Variants in THSD4 observed in about 807,000 individuals in gnomAD.
The protein encoded by THSD4 is thrombospondin type 1 domain containing 4.
Under a neutral mutation model 119.0 loss-of-function variants are expected in THSD4, and 69 were observed. The ratio of observed to expected loss-of-function variants is 0.58; its 90% CI spans 0.48 to 0.71. The LOEUF (loss-of-function observed/expected upper bound fraction) is 0.71, where lower values mean the gene tolerates loss of function less well. THSD4 is among the 30% of genes least tolerant of loss of function. THSD4 has a pLI of 0.00. For missense variants in THSD4, 1,393 were observed against 1,391.1 expected (o/e 1.00, Z -0.02); for synonymous variants, 524 against 540.4 (o/e 0.97, Z 0.42).
At chr15:71,250,095 G>A (rs890162126) in intron 5 of THSD4, among the ~76,000 whole-genome samples, 1 of 152,126 alleles carries the variant, frequency 6.6e-6, no homozygotes, top group Non-Finnish European at 1.5e-5. Context: ...TTTTGTTTAT[G>A]CATTTTTCTC....
intron 3 of THSD4, among the ~76,000 whole-genome samples, chr15:71,174,998 A>G (rs1194975568): frequency 1.3e-5 from 2 of 148,894 alleles, no homozygotes; most frequent in Non-Finnish European, 3.0e-5. Context: ...CATCACCATC[A>G]TCAAAGACAA....
intron 7 of THSD4, among the ~76,000 whole-genome samples, chr15:71,530,605 G>T (rs1304982628): frequency 6.6e-6 from 1 of 150,968 alleles, no homozygotes; most frequent in Non-Finnish European, 1.5e-5. Flanking sequence ...TATTTAATAT[G>T]GTATCAGCTG....
intron 3 of THSD4, among the ~76,000 whole-genome samples, chr15:71,171,096 G>A (rs547897304): frequency 6.6e-6 from 1 of 152,028 alleles, no homozygotes; most frequent in Non-Finnish European, 1.5e-5. Context: ...AGTACCAAAA[G>A]GAGAAGAGAT....
rs543636345 is a variant in THSD4, at chr15:71,163,637, C to T, written c.99+8705C>T. On this transcript the variant is annotated intron_variant, in intron 3 of 17. Coordinates refer to ENST00000261862, the MANE Select transcript of THSD4 (RefSeq NM_024817.3). ...TACTTGGATTTATAAAGGGGCAAAC[C>T]GTAATATAGGAAAATATACCCTATT... Among the ~76,000 whole-genome samples, 16 of 151,778 alleles carry T rather than the reference C, an allele frequency of 1.1e-4. No individual in the cohort carries two copies. The East Asian group carries it at 1.9e-3, about 18-fold the overall frequency.
intron 6 of THSD4, among the ~76,000 whole-genome samples, chr15:71,393,446 G>A (rs142389635): frequency 2.6e-5 from 4 of 152,062 alleles, no homozygotes; most frequent in African/African-American, 7.2e-5. Context: ...AACTCACCAC[G>A]CTACCAGGGA....
intron 7 of THSD4, among the ~76,000 whole-genome samples, chr15:71,522,349 A>G (rs2048454335): frequency 6.6e-6 from 1 of 152,210 alleles, no homozygotes; most frequent in African/African-American, 2.4e-5. Flanking sequence ...CTGAGGTGAC[A>G]TGGTAGAAGC....
At chr15:71,227,313 A>G (rs1596279372) in intron 4 of THSD4, among the ~76,000 whole-genome samples, 3 of 152,368 alleles carry the variant, frequency 2.0e-5, no homozygotes, top group South Asian at 2.1e-4. Flanking sequence ...CTCTGGTTCC[A>G]GAAGAAAGAT....
At position 71,229,086 on chromosome 15, in the gene THSD4, T is replaced by A. The variant is rs147826133; in HGVS notation, c.465-13563T>A. Among the ~76,000 whole-genome samples, 466 of 152,362 alleles carry A rather than the reference T, an allele frequency of 3.1e-3. 3 individuals carry two copies. Among genetic ancestry groups the A allele is most frequent in the African/African-American group, 6.9e-3 (285 of 41,592 alleles). On this transcript the variant is annotated intron_variant, in intron 4 of 17. Transcript: ENST00000261862. ...GAATGGGAATTTGGTATTTAAAAGC[T>A]GTACTGTGTTGCAGTTGTTAAGCTC...
chr15:71,759,825 A>G (rs533440401), intron 15 of THSD4, among the ~76,000 whole-genome samples: 1 of 152,260 alleles, frequency 6.6e-6, no homozygotes, highest in South Asian at 2.1e-4. Context: ...CAAGGGTGGT[A>G]TGAACCCTGG....
At chr15:71,675,783 C>G (rs748858391) in intron 8 of THSD4, among the ~76,000 whole-genome samples, 6 of 152,204 alleles carry the variant, frequency 3.9e-5, no homozygotes, top group Admixed American at 2.0e-4. Flanking sequence ...GGACTTGAAC[C>G]TGGGCACAGG....
chr15:71,235,106 A>T (rs1567164937), intron 4 of THSD4, among the ~76,000 whole-genome samples: 1 of 152,190 alleles, frequency 6.6e-6, no homozygotes, highest in Non-Finnish European at 1.5e-5. Flanking sequence ...TGTGAATTAC[A>T]TCTCCCTCCT....
At chr15:71,609,233 C>T (rs919779978) in intron 7 of THSD4, among the ~76,000 whole-genome samples, 2 of 152,172 alleles carry the variant, frequency 1.3e-5, no homozygotes, top group Admixed American at 6.5e-5. Context: ...ATAAGTAACA[C>T]ATATATGAAT....
chr15:71,255,524 A>T (rs2044305569), intron 5 of THSD4, among the ~76,000 whole-genome samples: 1 of 152,234 alleles, frequency 6.6e-6, no homozygotes, highest in South Asian at 2.1e-4. Context: ...AGATTTACTG[A>T]ATAATAATCC....
At chr15:71,534,286 G>C (rs1451760008) in intron 7 of THSD4, among the ~76,000 whole-genome samples, 1 of 152,228 alleles carries the variant, frequency 6.6e-6, no homozygotes, top group Non-Finnish European at 1.5e-5. Context: ...TTCATTTGCA[G>C]TCTCAACCCT....
At chr15:71,112,767 G>A (rs766076536), upstream of THSD4, among the ~76,000 whole-genome samples, 2 of 152,336 alleles carry the variant, frequency 1.3e-5, no homozygotes, top group South Asian at 2.1e-4. Flanking sequence ...TGATTCATAC[G>A]TGACAGACAC....
intron 1 of THSD4, among the ~76,000 whole-genome samples, chr15:71,118,148 A>G (rs2040378862): frequency 6.6e-6 from 1 of 152,024 alleles, no homozygotes; most frequent in South Asian, 2.1e-4. Context: ...AGCTCGAGGA[A>G]AGACTGAAAG....
At chr15:71,191,904 CTTTTTTT>C (rs11452105) in intron 3 of THSD4, among the ~76,000 whole-genome samples, 23 of 142,452 alleles carry the variant, frequency 1.6e-4, no homozygotes, top group South Asian at 2.2e-4. Flanking sequence ...TCTTCTTCTT[CTTTTTTT>C]TTTTTTTTTG....
intron 7 of THSD4, chr15:71,547,558 G>C: frequency 1.3e-6 from 2 of 1,498,686 alleles, no homozygotes; most frequent in Non-Finnish European, 1.8e-6. Context: ...TACCAAGAGG[G>C]ATCAGGGAAT....
At chr15:71,644,302 A>G (rs961486487) in intron 7 of THSD4, among the ~76,000 whole-genome samples, 4 of 152,190 alleles carry the variant, frequency 2.6e-5, no homozygotes, top group African/African-American at 9.6e-5. Flanking sequence ...TCTTCCTTCA[A>G]TTGGTTAGGC....
Sources: gnomAD v4.1 joint callset for allele counts (sites outside exome capture counted in the v4.1 genomes callset) on GRCh38, gnomAD v4.1.1 for gene constraint, MANE v1.5 for transcripts, NCBI Gene and HGNC (gene_info 2026-07-23, HGNC 2026-07-21) for gene names.